The following STK31 variants were observed in gnomAD, a reference collection of about 807,000 sequenced individuals.
The protein encoded by STK31 is serine/threonine-protein kinase 31.
Under a neutral mutation model 129.7 loss-of-function variants are expected in STK31, and 89 were observed. The ratio of observed to expected loss-of-function variants is 0.69; its 90% CI spans 0.58 to 0.82. The LOEUF (loss-of-function observed/expected upper bound fraction) is 0.82. STK31 is among the 40% of genes least tolerant of loss of function. The pLI, the probability that STK31 is intolerant of heterozygous loss-of-function variation, is 0.00. For synonymous variants in STK31, 448 were observed against 395.3 expected, an observed-to-expected ratio of 1.13 and a Z score of -1.58; for missense variants, 1,187 against 1,176.4, an observed-to-expected ratio of 1.01 and a Z score of -0.13.
chr7:23,778,602 C>T (rs1476825105), intron 15 of STK31, among the ~76,000 whole-genome samples: 1 of 151,606 alleles, frequency 6.6e-6, no homozygotes, highest in Non-Finnish European at 1.5e-5. Flanking sequence ...GTCTGATATC[C>T]TTTCTTCTGC....
At chr7:23,810,210 G>A (rs1361099928) in intron 22 of STK31, among the ~76,000 whole-genome samples, 1 of 151,960 alleles carries the variant, frequency 6.6e-6, no homozygotes, top group African/African-American at 2.4e-5. Context: ...TGATATTACA[G>A]CCATTCTTGT....
intron 12 of STK31, 149 bp from the exon 13 acceptor site, chr7:23,769,491 T>A (rs1387414836): frequency 1.8e-6 from 1 of 559,298 alleles, no homozygotes; most frequent in Non-Finnish European, 3.1e-6. Context: ...GTGCATAAAT[T>A]TTATGAGGGT....
chr7:23,710,086 G>A (rs958135116), upstream of STK31: 4 of 843,520 alleles, frequency 4.7e-6, no homozygotes, highest in South Asian at 5.1e-5. Context: ...CAGTGCCTGG[G>A]GGTCGGCAGC....
chr7:23,797,394 A>G (rs1792043056), intron 22 of STK31, among the ~76,000 whole-genome samples: 3 of 152,302 alleles, frequency 2.0e-5, no homozygotes, highest in South Asian at 2.1e-4. Flanking sequence ...ATGCAAAAGA[A>G]TGGAAATCTT....
intron 13 of STK31, among the ~76,000 whole-genome samples, 184 bp from the exon 14 acceptor site, chr7:23,770,821 A>G (rs1790137429): frequency 1.3e-5 from 2 of 152,146 alleles, no homozygotes; most frequent in African/African-American, 4.8e-5. Context: ...CCTGGCTGCC[A>G]TATGAACATC....
At chr7:23,796,723 CTG>C (rs1791983195) in intron 22 of STK31, among the ~76,000 whole-genome samples, 1 of 152,138 alleles carries the variant, frequency 6.6e-6, no homozygotes, top group Admixed American at 6.5e-5. Context: ...CCTTTTATCA[CTG>C]TGTTTTGTGC....
At chr7:23,730,171 T>A (rs1178492439) in intron 6 of STK31, among the ~76,000 whole-genome samples, 1 of 152,232 alleles carries the variant, frequency 6.6e-6, no homozygotes, top group Non-Finnish European at 1.5e-5. Context: ...TGGTAAATGG[T>A]AATGCTGGTG....
intron 11 of STK31, 89 bp downstream of exon 11, chr7:23,763,012 T>A (rs1789564738): frequency 8.4e-7 from 1 of 1,188,384 alleles, no homozygotes; most frequent in Non-Finnish European, 1.1e-6. Flanking sequence ...TTTAGATTGT[T>A]CTGTGATGGT....
intron 22 of STK31, among the ~76,000 whole-genome samples, chr7:23,795,480 C>T (rs1049114401): frequency 7.2e-5 from 11 of 152,152 alleles, no homozygotes; most frequent in East Asian, 1.9e-4. Flanking sequence ...CAGTGCAAAA[C>T]GGAAATGAGG....
chr7:23,810,919 GTA>G (rs1452233295), intron 22 of STK31, among the ~76,000 whole-genome samples: 2 of 115,528 alleles, frequency 1.7e-5, no homozygotes, highest in East Asian at 4.4e-4. Context: ...TAAAATATAT[GTA>G]TATATGTGTG....
intron 23 of STK31, among the ~76,000 whole-genome samples, chr7:23,830,593 TGTG>T (rs1794485942): frequency 1.1e-4 from 1 of 8,710 alleles, no homozygotes; most frequent in Non-Finnish European, 2.1e-4. Context: ...ATTTCCATGT[TGTG>T]TGTGTGTGTG....
chr7:23,761,280 T>C (rs982416644), intron 10 of STK31, among the ~76,000 whole-genome samples: 1 of 152,084 alleles, frequency 6.6e-6, no homozygotes, highest in African/African-American at 2.4e-5. Flanking sequence ...GTGTAGATTA[T>C]TGGCTAAATA....
At chr7:23,758,121 C>T (rs773303478) in intron 10 of STK31, among the ~76,000 whole-genome samples, 4 of 152,174 alleles carry the variant, frequency 2.6e-5, no homozygotes, top group South Asian at 2.1e-4. Context: ...GAGTCTCTTA[C>T]GTCTACTTCT....
intron 15 of STK31, among the ~76,000 whole-genome samples, chr7:23,775,407 A>T (rs1193049122): frequency 1.3e-5 from 2 of 152,158 alleles, no homozygotes; most frequent in Admixed American, 1.3e-4. Context: ...TGAATTTATA[A>T]ATTACTTTGG....
At chr7:23,830,278 G>A (rs748187187) in intron 23 of STK31, among the ~76,000 whole-genome samples, 3 of 151,256 alleles carry the variant, frequency 2.0e-5, no homozygotes, top group Non-Finnish European at 4.4e-5. Flanking sequence ...ATTTTTTTTA[G>A]TGTATTTCAC....
intron 16 of STK31, among the ~76,000 whole-genome samples, chr7:23,782,619 A>G (rs1791009527): frequency 6.6e-6 from 1 of 152,196 alleles, no homozygotes; most frequent in Non-Finnish European, 1.5e-5. Context: ...GCGATCTTGC[A>G]ATGATTTGAC....
chr7:23,780,021 A>T (rs1319629675), intron 15 of STK31, among the ~76,000 whole-genome samples: 1 of 152,186 alleles, frequency 6.6e-6, no homozygotes, highest in Non-Finnish European at 1.5e-5. Context: ...TTGGAAAAGC[A>T]TAGTATCTGG....
At chr7:23,820,421 A>G (rs1793729174) in intron 23 of STK31, among the ~76,000 whole-genome samples, 1 of 152,184 alleles carries the variant, frequency 6.6e-6, no homozygotes, top group Admixed American at 6.5e-5. Context: ...ATATTTGTAC[A>G]TATTTATGGG....
chr7:23,799,278 G>A (rs996374272), intron 22 of STK31, among the ~76,000 whole-genome samples: 2 of 152,080 alleles, frequency 1.3e-5, no homozygotes, highest in African/African-American at 2.4e-5. Context: ...AGCCCGTATA[G>A]CCAAGACAAT....
Sources: allele counts gnomAD v4.1 joint callset (sites outside exome capture counted in the v4.1 genomes callset), GRCh38; gene constraint gnomAD v4.1.1; transcripts MANE v1.5; gene names NCBI Gene and HGNC (gene_info 2026-07-23, HGNC 2026-07-21).